The following CACNG4 variants were observed in gnomAD, a reference collection of about 807,000 sequenced individuals.
CACNG4 encodes the protein calcium voltage-gated channel auxiliary subunit gamma 4.
In CACNG4, 8 loss-of-function variants were observed where a neutral mutation model predicts 22.9. That is an observed-to-expected ratio of 0.35 (90% CI 0.21 to 0.63). The LOEUF is 0.63. Ranked by LOEUF, CACNG4 falls within the 30% of genes least tolerant of loss-of-function variation. CACNG4 has a pLI of 0.72. For synonymous variants in CACNG4, 188 were observed against 191.9 expected, an observed-to-expected ratio of 0.98 and a Z score of 0.17; for missense variants, 357 against 455.4, an observed-to-expected ratio of 0.78 and a Z score of 1.97.
intron 1 of CACNG4, among the ~76,000 whole-genome samples, chr17:67,009,549 C>T (rs2035456501): frequency 1.3e-5 from 2 of 152,202 alleles, no homozygotes; most frequent in South Asian, 4.1e-4. Flanking sequence ...TCCCTTAATC[C>T]ATTCAGGCTG....
rs76846997 is a variant in CACNG4, at chr17:66,989,876, G to A, written c.220+24745G>A. 1.7e-3 allele frequency among the ~76,000 whole-genome samples: 253 copies of A among 145,934 alleles called. 13 individuals carry two copies. The highest frequency in any genetic ancestry group is 6.3e-3 in the African/African-American group (234 of 36,922). The stretch of plus-strand genomic sequence containing the variant: ...GAGTCTCGGATGAAACACTTTTGTC[G>A]AAGCAACATGAAAATTTTTTCTTTC... On this transcript the variant is annotated intron_variant, in intron 1 of 3. Transcript: ENST00000262138.
At chr17:66,980,486 A>T (rs2035265148) in intron 1 of CACNG4, among the ~76,000 whole-genome samples, 1 of 152,122 alleles carries the variant, frequency 6.6e-6, no homozygotes, top group South Asian at 2.1e-4. Context: ...TTGCTTTTTT[A>T]AATTATTTCC....
At chr17:66,971,356 G>T (rs1452964932) in intron 1 of CACNG4, among the ~76,000 whole-genome samples, 1 of 151,518 alleles carries the variant, frequency 6.6e-6, no homozygotes, top group Non-Finnish European at 1.5e-5. Context: ...CCCTTTTGCT[G>T]CTGAGACACA....
chr17:67,029,023 A>G (rs1452608364), intron 3 of CACNG4, among the ~76,000 whole-genome samples: 3 of 152,212 alleles, frequency 2.0e-5, no homozygotes, highest in East Asian at 3.8e-4. Context: ...AAAGGACATT[A>G]GTACAAACCC....
intron 2 of CACNG4, 83 bp from the exon 3 acceptor site, chr17:67,024,777 T>C: frequency 7.3e-7 from 1 of 1,371,284 alleles, no homozygotes; most frequent in Non-Finnish European, 9.5e-7. Context: ...GCTGCAAGGT[T>C]CCTGGGAGAC....
At chr17:67,014,862 A>G (rs1314648228) in intron 1 of CACNG4, among the ~76,000 whole-genome samples, 4 of 151,566 alleles carry the variant, frequency 2.6e-5, no homozygotes, top group African/African-American at 9.7e-5. Context: ...GCTTGAACCC[A>G]GGAAGCAGAG....
chr17:66,970,026 C>T (rs796330722), intron 1 of CACNG4, among the ~76,000 whole-genome samples: 2 of 152,208 alleles, frequency 1.3e-5, no homozygotes, highest in South Asian at 4.1e-4. Flanking sequence ...GGACCCCCTT[C>T]GCCCTTGGGT....
chr17:67,012,638 G>A (rs1191140781), intron 1 of CACNG4, among the ~76,000 whole-genome samples: 9 of 152,218 alleles, frequency 5.9e-5, no homozygotes, highest in African/African-American at 2.2e-4. Flanking sequence ...TTCCCCCAGG[G>A]TGGTTAATCC....
In CACNG4 at chr17:67,013,918, G is replaced by A. The variant is rs574848850; in HGVS notation, c.221-4271G>A. On this transcript the variant is annotated intron_variant, in intron 1 of 3. Transcript: ENST00000262138. ...TGCTCATGAAGGGGCATGCACACCTGTGCACACACCCCGTGCCTGTTATTT... is the reference window on the plus strand; with the variant it reads ...TGCTCATGAAGGGGCATGCACACCTATGCACACACCCCGTGCCTGTTATTT... Among the ~76,000 whole-genome samples, 13 of 152,292 alleles carry A rather than the reference G, an allele frequency of 8.5e-5. No individual in the cohort carries two copies. The East Asian group carries it at 2.3e-3, about 27-fold the overall frequency.
chr17:67,030,953 G>A lies in CACNG4; in HGVS notation c.933G>A (p.Leu311=). 2 of 1,613,846 alleles carry A rather than the reference G, an allele frequency of 1.2e-6. No homozygotes were observed. The highest frequency in any genetic ancestry group is 1.7e-6 in the Non-Finnish European group (2 of 1,179,998). Residue 311 remains leucine (L), a synonymous_variant, in exon 4 of 4, where the codon CTG becomes CTA. Coordinates refer to ENST00000262138, the MANE Select transcript of CACNG4 (RefSeq NM_014405.4). The surrounding 1 kb of genome is among the most constrained non-coding windows in gnomAD (Gnocchi z 6.4). ...LQVHDFFQQD[L]KEGFHVSMLN... ...TGCATGACTTTTTCCAGCAGGACCT[G>A]AAGGAAGGTTTCCACGTCAGCATGC...
intron 1 of CACNG4, among the ~76,000 whole-genome samples, chr17:66,989,060 CAAAAAAAAAAA>C (rs35041834): frequency 3.2e-5 from 2 of 63,320 alleles, no homozygotes; most frequent in Non-Finnish European, 5.6e-5. Flanking sequence ...GACTCTGCCT[CAAAAAAAAAAA>C]AAAAAAAAAA....
chr17:67,004,943 C>T (rs1311845281), intron 1 of CACNG4, among the ~76,000 whole-genome samples: 1 of 152,146 alleles, frequency 6.6e-6, no homozygotes, highest in Non-Finnish European at 1.5e-5. Flanking sequence ...GAGCTGGTCT[C>T]AAACTCCTGG....
At chr17:66,970,361 C>T (rs2035196477) in intron 1 of CACNG4, among the ~76,000 whole-genome samples, 1 of 152,132 alleles carries the variant, frequency 6.6e-6, no homozygotes. Flanking sequence ...TGGTTTAGAT[C>T]ACAGATGTGA....
At chr17:66,972,563 G>A (rs781023529) in intron 1 of CACNG4, among the ~76,000 whole-genome samples, 13 of 152,184 alleles carry the variant, frequency 8.5e-5, no homozygotes, top group Non-Finnish European at 1.6e-4. Flanking sequence ...AGGGTTGCAG[G>A]GACAAAGGGC....
At position 67,030,086 on chromosome 17, in the gene CACNG4, G is replaced by T. The variant is rs746191674; in HGVS notation, c.446-380G>T. ...GCTCTCCATGTTCTGATTCAGAACC[G>T]TCTCTCAGATGTACTGTTAAGAGAA... is the stretch of plus-strand genomic sequence containing the variant. On this transcript the variant is annotated intron_variant, in intron 3 of 3. Transcript: ENST00000262138. This position sits in a 1 kb window ranked among gnomAD's most constrained non-coding sequence, Gnocchi z 6.4. Among the ~76,000 whole-genome samples, 6 of 152,178 alleles carry T rather than the reference G, an allele frequency of 3.9e-5. No individual in the cohort carries two copies. The highest frequency in any genetic ancestry group is 8.8e-5 in the Non-Finnish European group (6 of 68,042).
At chr17:67,026,799 G>A (rs894616639) in intron 3 of CACNG4, among the ~76,000 whole-genome samples, 2 of 152,008 alleles carry the variant, frequency 1.3e-5, no homozygotes. Context: ...GTGCACATGT[G>A]TGTGTGTTGG....
intron 1 of CACNG4, 63 bp downstream of exon 1, chr17:66,965,194 ACGCGCGCGCG>A (rs1158411001): frequency 4.4e-5 from 40 of 910,072 alleles, no homozygotes; most frequent in African/African-American, 3.1e-4. Flanking sequence ...ACATATACAC[ACGCGCGCGCG>A]CGCGCGCGCA....
chr17:67,015,506 G>A (rs957713733), intron 1 of CACNG4, among the ~76,000 whole-genome samples: 2 of 152,296 alleles, frequency 1.3e-5, no homozygotes, highest in East Asian at 3.9e-4. Flanking sequence ...TTTGCACGAT[G>A]TTGTCATGGG....
intron 3 of CACNG4, among the ~76,000 whole-genome samples, chr17:67,028,255 T>C (rs1449144839): frequency 6.6e-6 from 1 of 151,798 alleles, no homozygotes; most frequent in Non-Finnish European, 1.5e-5. Flanking sequence ...CACAGCACTT[T>C]ATGATAAAAC....
Sources: allele counts gnomAD v4.1 joint callset (sites outside exome capture counted in the v4.1 genomes callset), GRCh38; gene constraint gnomAD v4.1.1; non-coding constraint Gnocchi (gnomAD v3.1); transcripts MANE v1.5; gene names NCBI Gene and HGNC (gene_info 2026-07-23, HGNC 2026-07-21).